The following UNC13B variants were observed in gnomAD, a reference collection of about 807,000 sequenced individuals.
The protein encoded by UNC13B is protein unc-13 homolog B.
A neutral mutation model predicts 211.0 loss-of-function variants in UNC13B; 144 were observed. The ratio of observed to expected loss-of-function variants is 0.68; its 90% CI spans 0.60 to 0.78. The LOEUF (loss-of-function observed/expected upper bound fraction) is 0.78, where lower values mean the gene tolerates loss of function less well. Among genes scored for constraint, UNC13B ranks in the 30% least tolerant of loss-of-function variants. The pLI is 0.00. For synonymous variants in UNC13B, 709 were observed against 725.8 expected, an observed-to-expected ratio of 0.98 and a Z score of 0.37; for missense variants, 1,777 against 2,002.0, an observed-to-expected ratio of 0.89 and a Z score of 2.14.
chr9:35,365,151 A>C (rs965563620), intron 11 of UNC13B, among the ~76,000 whole-genome samples: 2 of 152,208 alleles, frequency 1.3e-5, no homozygotes, highest in Non-Finnish European at 2.9e-5. Context: ...TGCATAGTAT[A>C]CTAATGCCCT....
chr9:35,213,022 T>A (rs1040546843), intron 1 of UNC13B, among the ~76,000 whole-genome samples: 5 of 152,206 alleles, frequency 3.3e-5, no homozygotes, highest in African/African-American at 1.2e-4. Flanking sequence ...ACCCACCTTT[T>A]CTGGTGGCTG....
In UNC13B at chr9:35,177,392, T is replaced by C. The variant is rs571064626; in HGVS notation, c.22+15087T>C. ...GGCAGAAGTATAGAAGTTTATAAAC[T>C]GAAAGCACTGGGTTTCTACTTTGAT... On this transcript the variant is annotated intron_variant, in intron 1 of 39. Coordinates refer to ENST00000635942, the MANE Select transcript of UNC13B (RefSeq NM_001371189.2). 2.0e-5 allele frequency among the ~76,000 whole-genome samples: 3 copies of C among 152,338 alleles called. No homozygotes were observed. The East Asian group carries it at 5.8e-4, about 29-fold the overall frequency.
chr9:35,304,508 A>T lies in UNC13B; in HGVS notation c.5104A>T (p.Asn1702Tyr). Reference protein sequence around the residue: ...SRDQIIERDKNQPLAEDSSVH... With the variant: ...SRDQIIERDKYQPLAEDSSVH... ...AGATCAAATTATAGAGAGAGATAAAAACCAGCCTCTAGCTGAAGATTCATC... is the reference window on the plus strand; with the variant it reads ...AGATCAAATTATAGAGAGAGATAAATACCAGCCTCTAGCTGAAGATTCATC... The change falls in exon 9 of 40, where the codon AAC (asparagine) becomes TAC (tyrosine). Residue 1702 changes from asparagine (N) to tyrosine (Y), a missense_variant. Coordinates refer to ENST00000635942, the MANE Select transcript of UNC13B (RefSeq NM_001371189.2). The T allele has an allele frequency of 2.5e-6, 1 of 398,750 alleles. No homozygotes were observed. The highest frequency in any genetic ancestry group is 4.4e-6 in the Non-Finnish European group (1 of 225,890). 24.7% of individuals were successfully genotyped at this position (398,750 alleles called of 1,614,324 possible). A position where few individuals can be genotyped will look rare whatever the true frequency, so the allele number is the denominator to read the frequency against.
intron 22 of UNC13B, chr9:35,385,050 T>C: frequency 4.1e-6 from 4 of 985,468 alleles, no homozygotes; most frequent in Non-Finnish European, 3.6e-6. Flanking sequence ...CTGTATATCT[T>C]ATATTTGGCA....
At chr9:35,183,102 C>A (rs1483978658) in intron 1 of UNC13B, among the ~76,000 whole-genome samples, 2 of 103,968 alleles carry the variant, frequency 1.9e-5, no homozygotes, top group Admixed American at 1.8e-4. Flanking sequence ...GGCGGCCTGG[C>A]AGAGGTGCTC....
chr9:35,257,703 G>T (rs1383181563), intron 6 of UNC13B, among the ~76,000 whole-genome samples: 1 of 147,764 alleles, frequency 6.8e-6, no homozygotes, highest in Non-Finnish European at 1.5e-5. Context: ...ATGGAAATTA[G>T]TAATAACAGT....
chr9:35,298,878 ATTTTC>A (rs1829533077), intron 8 of UNC13B, among the ~76,000 whole-genome samples: 1 of 152,104 alleles, frequency 6.6e-6, no homozygotes. Context: ...ATAGGGAAAG[ATTTTC>A]TTTTCACTGT....
chr9:35,393,505 T>G (rs568164059), intron 26 of UNC13B, among the ~76,000 whole-genome samples: 1 of 150,976 alleles, frequency 6.6e-6, no homozygotes, highest in Non-Finnish European at 1.5e-5. Context: ...GACCTGAAGA[T>G]GGAGAGGTGT....
intron 11 of UNC13B, chr9:35,364,677 G>C: frequency 8.2e-7 from 1 of 1,217,150 alleles, no homozygotes; most frequent in Non-Finnish European, 1.1e-6. Context: ...ATGCACATGT[G>C]CGTGCATGAT....
At chr9:35,401,470 A>C (rs1040573017) in intron 37 of UNC13B, among the ~76,000 whole-genome samples, 6 of 152,226 alleles carry the variant, frequency 3.9e-5, no homozygotes, top group African/African-American at 1.4e-4. Flanking sequence ...GGCATACACC[A>C]TCAAGGAAGA....
Position 35,194,446 on chromosome 9 carries a change from A to G in UNC13B, c.22+32141A>G, listed in dbSNP as rs138692211. 2.1e-4 allele frequency among the ~76,000 whole-genome samples: 32 copies of G among 152,326 alleles called. No homozygotes were observed. The East Asian group carries it at 6.2e-3, about 29-fold the overall frequency. On this transcript the variant is annotated intron_variant, in intron 1 of 39. Transcript: ENST00000635942. ...CCAGCCAGAAATCCTCAGTTGCTCT[A>G]GAACCTCTTACAGCCCCGCACAATG...
At chr9:35,244,110 G>A (rs1687839964) in intron 6 of UNC13B, among the ~76,000 whole-genome samples, 1 of 152,032 alleles carries the variant, frequency 6.6e-6, no homozygotes, top group Non-Finnish European at 1.5e-5. Context: ...TATGGAGACA[G>A]TATTAAAGAA....
Position 35,333,699 on chromosome 9 carries a change from A to C in UNC13B, c.9414+19710A>C, listed in dbSNP as rs548824583. Among the ~76,000 whole-genome samples the C allele has an allele frequency of 2.0e-5, 3 of 152,270 alleles. No individual in the cohort carries two copies. The South Asian group carries it at 6.2e-4, about 32-fold the overall frequency. ...CAGAGCCTTCTCTGACTCACATCCAAACCAGTGTTTCTAATGCTGGAAATA... is the reference window on the plus strand; with the variant it reads ...CAGAGCCTTCTCTGACTCACATCCACACCAGTGTTTCTAATGCTGGAAATA... On this transcript the variant is annotated intron_variant, in intron 11 of 39. Coordinates refer to ENST00000635942, the MANE Select transcript of UNC13B (RefSeq NM_001371189.2).
At chr9:35,249,125 C>T (rs1826292352) in intron 6 of UNC13B, among the ~76,000 whole-genome samples, 1 of 152,108 alleles carries the variant, frequency 6.6e-6, no homozygotes, top group Non-Finnish European at 1.5e-5. Context: ...TTCTTTGTCT[C>T]TTTTGATCTT....
intron 1 of UNC13B, among the ~76,000 whole-genome samples, chr9:35,191,132 G>A (rs1564057596): frequency 6.6e-6 from 1 of 151,968 alleles, no homozygotes; most frequent in Non-Finnish European, 1.5e-5. Context: ...GCTAATTTTT[G>A]TAGTTTTAGT....
rs188810915 is a variant in UNC13B, at chr9:35,404,674, C to T, written c.*641C>T. 36 of 152,698 alleles carry T rather than the reference C, an allele frequency of 2.4e-4. No homozygotes were observed. The highest frequency in any genetic ancestry group is 8.2e-4 in the African/African-American group (34 of 41,544). The allele number at this position is 152,698 out of a possible 1,614,324, so 9.5% of individuals were successfully genotyped here. A position where few individuals can be genotyped will look rare whatever the true frequency, so the allele number is the denominator to read the frequency against. On this transcript the variant is annotated 3_prime_UTR_variant, in exon 40 of 40. Coordinates refer to ENST00000635942, the MANE Select transcript of UNC13B (RefSeq NM_001371189.2). ...TGTATCATGAGTAGAATCAGGTTCA[C>T]GTGGTGCTTCAAAGCCCTGAGAAGA...
rs547048403 is a variant in UNC13B at position 35,232,177 on chromosome 9, CT to C, written c.152+979del. Among the ~76,000 whole-genome samples, 243 of 31,552 alleles carry C rather than the reference CT, an allele frequency of 7.7e-3. 12 individuals carry two copies. Among genetic ancestry groups the C allele is most frequent in the African/African-American group, 0.022 (191 of 8,524 alleles). The allele number at this position is 31,552 out of a possible 152,430, so 20.7% of individuals were successfully genotyped here. A position where few individuals can be genotyped will look rare whatever the true frequency, so the allele number is the denominator to read the frequency against. ...CCTCTGGGCTCTTGGTATATTGCTG[CT>C]TTTTTTTTTTTTTTTTTTTTGAGGC... On this transcript the variant is annotated intron_variant, in intron 3 of 39. Coordinates refer to ENST00000635942, the MANE Select transcript of UNC13B (RefSeq NM_001371189.2).
At chr9:35,244,292 A>C (rs192817004) in intron 6 of UNC13B, among the ~76,000 whole-genome samples, 56 of 152,318 alleles carry the variant, frequency 3.7e-4, no homozygotes, top group Admixed American at 1.9e-3. Flanking sequence ...AAATCAAGTG[A>C]ATTATGAAAT....
In UNC13B at chr9:35,188,109, G is replaced by A. The variant is rs368372950; in HGVS notation, c.22+25804G>A. On this transcript the variant is annotated intron_variant, in intron 1 of 39. Coordinates refer to ENST00000635942, the MANE Select transcript of UNC13B (RefSeq NM_001371189.2). ...CAGAAAGTTTGCTTTAGCTTTGTGA[G>A]TGCAGTCCATTTAGTTAACTCTTAT... Among the ~76,000 whole-genome samples the A allele has an allele frequency of 7.8e-4, 119 of 152,318 alleles. 2 individuals carry two copies. The South Asian group carries it at 0.019, about 24-fold the overall frequency.
Sources: allele counts gnomAD v4.1 joint callset (sites outside exome capture counted in the v4.1 genomes callset), GRCh38; gene constraint gnomAD v4.1.1; transcripts MANE v1.5; gene names NCBI Gene and HGNC (gene_info 2026-07-23, HGNC 2026-07-21).